The following HGSNAT variants were observed in gnomAD, a reference collection of about 807,000 sequenced individuals.
The protein encoded by HGSNAT is heparan-alpha-glucosaminide N-acetyltransferase, also known as transmembrane protein 76.
Under a neutral mutation model 85.2 loss-of-function variants are expected in HGSNAT, and 59 were observed. That is an observed-to-expected ratio of 0.69 (90% confidence interval 0.56 to 0.86). The LOEUF (loss-of-function observed/expected upper bound fraction) is 0.86, where lower values mean the gene tolerates loss of function less well. Among genes scored for constraint, HGSNAT ranks in the 40% least tolerant of loss-of-function variants. HGSNAT has a pLI of 0.00. For missense variants in HGSNAT, 756 were observed against 777.1 expected (o/e 0.97, Z 0.32); for synonymous variants, 321 against 304.5 (o/e 1.05, Z -0.56).
At chr8:43,162,776 C>T (rs564243691) in intron 5 of HGSNAT, among the ~76,000 whole-genome samples, 1 of 151,452 alleles carries the variant, frequency 6.6e-6, no homozygotes, top group South Asian at 2.1e-4. Context: ...TGATATGTTG[C>T]CCAGGCTGGT....
intron 10 of HGSNAT, 39 bp from the exon 11 acceptor site, chr8:43,182,106 G>A (rs187407432): frequency 2.0e-6 from 3 of 1,483,106 alleles, no homozygotes; most frequent in Admixed American, 3.3e-5. Flanking sequence ...GAGAGGAGAA[G>A]TCCTGGCTAA....
chr8:43,140,544 C>A lies in HGSNAT; in HGVS notation c.48C>A (p.Ser16=), dbSNP rs1802479958. ...RALAALLLAA[S]VLSAALLAPG... is the part of the protein sequence containing the mutation. ...TGGCCGCGCTGCTGCTGGCCGCGTC[C>A]GTGCTGAGCGCCGCGCTGCTGGCCC... The change falls in exon 1 of 18, where the codon TCC becomes TCA. Residue 16 remains serine, a synonymous_variant. Coordinates refer to ENST00000379644, the MANE Select transcript of HGSNAT (RefSeq NM_152419.3). The A allele has an allele frequency of 8.6e-7, 1 of 1,163,748 alleles. No individual in the cohort carries two copies. Among genetic ancestry groups the A allele is most frequent in the South Asian group, 3.4e-5 (1 of 29,088 alleles). The allele number at this position is 1,163,748 out of a possible 1,614,324, so 72.1% of individuals were successfully genotyped here.
intron 5 of HGSNAT, among the ~76,000 whole-genome samples, chr8:43,168,871 T>C (rs1306854386): frequency 1.3e-5 from 2 of 152,174 alleles, no homozygotes; most frequent in African/African-American, 4.8e-5. Flanking sequence ...TTAATAGTAT[T>C]ATTAGTGAGA....
At chr8:43,192,261 C>T (rs942857110) in intron 12 of HGSNAT, 43 bp from the exon 13 acceptor site, 1 of 1,577,586 alleles carries the variant, frequency 6.3e-7, no homozygotes, top group Admixed American at 1.9e-5. Flanking sequence ...TCTGTTCGCC[C>T]TTATGAGGTC....
intron 5 of HGSNAT, among the ~76,000 whole-genome samples, chr8:43,164,509 A>G (rs1441352870): frequency 2.6e-5 from 4 of 152,026 alleles, no homozygotes; most frequent in Non-Finnish European, 5.9e-5. Context: ...GCCGGACACC[A>G]TGGCTCACAC....
At chr8:43,174,516 G>A (rs2130757234) in intron 9 of HGSNAT, among the ~76,000 whole-genome samples, 2 of 152,248 alleles carry the variant, frequency 1.3e-5, no homozygotes, top group South Asian at 4.2e-4. Flanking sequence ...TCTTGTGAAG[G>A]GACATTGCCT....
At chr8:43,193,677 G>C in intron 13 of HGSNAT, 80 bp from the exon 14 acceptor site, 2 of 895,260 alleles carry the variant, frequency 2.2e-6, no homozygotes, top group Non-Finnish European at 3.7e-6. Flanking sequence ...GTGTATTCAG[G>C]TTTGTATTTG....
At chr8:43,149,647 C>T (rs1266540775) in intron 2 of HGSNAT, among the ~76,000 whole-genome samples, 5 of 151,614 alleles carry the variant, frequency 3.3e-5, no homozygotes, top group Admixed American at 1.3e-4. Context: ...TTGCAGTGAG[C>T]CGAGATCGGG....
At chr8:43,154,637 T>C (rs1803032729) in intron 2 of HGSNAT, among the ~76,000 whole-genome samples, 1 of 152,160 alleles carries the variant, frequency 6.6e-6, no homozygotes, top group Admixed American at 6.5e-5. Context: ...CTATTGTGAA[T>C]AGTGCCGCAA....
At chr8:43,158,759 T>A in intron 3 of HGSNAT, 48 bp downstream of exon 3, 1 of 1,547,306 alleles carries the variant, frequency 6.5e-7, no homozygotes, top group Non-Finnish European at 8.7e-7. Context: ...CATTTTCTCT[T>A]TTTCTATTTT....
intron 8 of HGSNAT, among the ~76,000 whole-genome samples, chr8:43,172,914 A>G (rs1437012117): frequency 2.6e-5 from 4 of 152,192 alleles, no homozygotes; most frequent in Non-Finnish European, 5.9e-5. Flanking sequence ...TCCTGTGTCT[A>G]GTTATGTTCA....
intron 14 of HGSNAT, chr8:43,195,754 AGG>A: frequency 7.5e-6 from 1 of 132,860 alleles, no homozygotes; most frequent in East Asian, 2.4e-4. Flanking sequence ...GAAGAGGAGG[AGG>A]AGGGGTAGAG....
At chr8:43,186,280 G>A (rs1012964381) in intron 11 of HGSNAT, among the ~76,000 whole-genome samples, 1 of 152,078 alleles carries the variant, frequency 6.6e-6, no homozygotes, top group African/African-American at 2.4e-5. Context: ...GAGTTTTTTT[G>A]TTGGTAGGCT....
At chr8:43,160,213 G>A (rs377039029) in intron 4 of HGSNAT, among the ~76,000 whole-genome samples, 3 of 152,196 alleles carry the variant, frequency 2.0e-5, no homozygotes, top group African/African-American at 4.8e-5. Flanking sequence ...TATTTTGCCC[G>A]TTTTAACTGT....
intron 8 of HGSNAT, 90 bp downstream of exon 8, chr8:43,172,476 TC>T: frequency 1.0e-6 from 1 of 956,606 alleles, no homozygotes. Flanking sequence ...CCCCAGAAAC[TC>T]CAGAAATGAG....
At chr8:43,143,348 G>A (rs548564225) in intron 1 of HGSNAT, among the ~76,000 whole-genome samples, 4 of 152,124 alleles carry the variant, frequency 2.6e-5, no homozygotes, top group South Asian at 2.1e-4. Context: ...AACATGGAAA[G>A]GCTAATCTGG....
intron 5 of HGSNAT, among the ~76,000 whole-genome samples, chr8:43,167,677 G>C (rs1408310674): frequency 2.0e-5 from 3 of 152,100 alleles, no homozygotes; most frequent in African/African-American, 7.2e-5. Flanking sequence ...GACCAAGCCT[G>C]CAGTGTCTTG....
At position 43,187,032 on chromosome 8, in the gene HGSNAT, T is replaced by C. The variant is rs544435360; in HGVS notation, c.1129-4442T>C. On this transcript the variant is annotated intron_variant, in intron 11 of 17. Coordinates refer to ENST00000379644, the MANE Select transcript of HGSNAT (RefSeq NM_152419.3). ...CAGTTTGTTATAATTTCTGTTCTTT[T>C]ACATTTGCTGAGGAGTGCTTTACTT... 3.7e-4 allele frequency among the ~76,000 whole-genome samples: 57 copies of C among 152,348 alleles called. 1 individual carries two copies. In the East Asian group the frequency reaches 0.01, roughly 27 times the overall value.
intron 2 of HGSNAT, among the ~76,000 whole-genome samples, chr8:43,153,221 A>T (rs996432694): frequency 6.6e-6 from 1 of 152,228 alleles, no homozygotes; most frequent in Non-Finnish European, 1.5e-5. Context: ...AAGAACCTAG[A>T]GTATTATAAC....
Sources: gnomAD v4.1 joint callset for allele counts (sites outside exome capture counted in the v4.1 genomes callset) on GRCh38, gnomAD v4.1.1 for gene constraint, MANE v1.5 for transcripts, NCBI Gene and HGNC (gene_info 2026-07-23, HGNC 2026-07-21) for gene names.